SRGAP3: variants seen among roughly 807,000 people sequenced by gnomAD.
The protein encoded by SRGAP3 is SLIT-ROBO Rho GTPase-activating protein 3.
Under a neutral mutation model 121.1 loss-of-function variants are expected in SRGAP3, and 39 were observed. The ratio of observed to expected loss-of-function variants is 0.32; its 90% CI spans 0.25 to 0.42. The LOEUF is 0.42. Ranked by LOEUF, SRGAP3 falls within the 10% of genes least tolerant of loss-of-function variation. The pLI is 1.00. For synonymous variants in SRGAP3, 601 were observed against 570.0 expected, an observed-to-expected ratio of 1.05 and a Z score of -0.77; for missense variants, 1,213 against 1,470.6, an observed-to-expected ratio of 0.82 and a Z score of 2.86.
intron 3 of SRGAP3, among the ~76,000 whole-genome samples, chr3:9,260,096 G>A (rs537841262): frequency 3.9e-5 from 6 of 152,212 alleles, no homozygotes; most frequent in South Asian, 2.1e-4. Flanking sequence ...GAACTGTGCC[G>A]TGAGGGACAG....
chr3:9,183,575 C>T (rs761691041), intron 1 of SRGAP3, among the ~76,000 whole-genome samples: 5 of 152,100 alleles, frequency 3.3e-5, no homozygotes, highest in Non-Finnish European at 7.4e-5. Context: ...ACAGTGCTTA[C>T]TTGGGGCAGA....
rs1575113636 is a variant in SRGAP3 at position 9,126,932 on chromosome 3, A to T, written c.68-2015T>A. Among the ~76,000 whole-genome samples the T allele has an allele frequency of 2.0e-5, 3 of 152,362 alleles. No individual in the cohort carries two copies. In the South Asian group the frequency reaches 6.2e-4, roughly 32 times the overall value. On this transcript the variant is annotated intron_variant, in intron 1 of 21. Transcript: ENST00000383836. Reference sequence around the variant, plus strand: ...TACTCCATAAATTTATACGTAAATAAATACATGTACAAAGTTATATTCTCT... The same window carrying T: ...TACTCCATAAATTTATACGTAAATATATACATGTACAAAGTTATATTCTCT...
In SRGAP3 at chr3:8,985,303, T is replaced by C; in HGVS notation, c.*216A>G. The C allele has an allele frequency of 9.5e-7, 1 of 1,052,588 alleles. No individual in the cohort carries two copies. Among genetic ancestry groups the C allele is most frequent in the Non-Finnish European group, 1.3e-6 (1 of 764,814 alleles). The allele number at this position is 1,052,588 out of a possible 1,614,324, so 65.2% of individuals were successfully genotyped here. ...GGCTGCTGGAGCTCCAGCACTCCTC[T>C]GGTCGTCTGTTGACACGCGAGAGGT... is the stretch of plus-strand genomic sequence containing the variant. On this transcript the variant is annotated 3_prime_UTR_variant, in exon 22 of 22. Coordinates refer to ENST00000383836, the MANE Select transcript of SRGAP3 (RefSeq NM_014850.4). The surrounding 1 kb of genome is among the most constrained non-coding windows in gnomAD (Gnocchi z 5.1).
intron 3 of SRGAP3, among the ~76,000 whole-genome samples, chr3:9,095,185 T>C (rs370194): frequency 0.26 from 38,989 of 151,828 alleles, 5,093 homozygotes; most frequent in Middle Eastern, 0.3. Context: ...ATTCTGGGTG[T>C]TAACCTTTTA....
chr3:9,205,672 T>TG (rs1388478401), intron 1 of SRGAP3, among the ~76,000 whole-genome samples: 17 of 152,190 alleles, frequency 1.1e-4, no homozygotes, highest in Admixed American at 9.8e-4. Flanking sequence ...GTAAGTCCAG[T>TG]GCTTACAGAA....
chr3:9,340,995 G>A lies in SRGAP3; in HGVS notation n.215-10399C>T, dbSNP rs1401625382. Among the ~76,000 whole-genome samples, 3 of 152,180 alleles carry A rather than the reference G, an allele frequency of 2.0e-5. No homozygotes were observed. In the South Asian group the frequency reaches 6.2e-4, roughly 31 times the overall value. ...CCAAGATCAAGGAGCCAGTATGGCTGGGTTTTGGTGAGGGCCTTCTTCCTG... is the reference window on the plus strand; with the variant it reads ...CCAAGATCAAGGAGCCAGTATGGCTAGGTTTTGGTGAGGGCCTTCTTCCTG... On this transcript the variant is annotated intron_variant and non_coding_transcript_variant, in intron 1 of 3. Transcript: ENST00000490889.
At chr3:9,037,286 T>C (rs1267890899) in intron 11 of SRGAP3, 3 of 152,090 alleles carry the variant, frequency 2.0e-5, no homozygotes, top group African/African-American at 4.8e-5. Flanking sequence ...CAGTGCAATA[T>C]CTCTTAATAG....
chr3:9,214,986 G>GAGGATAA (rs144309314), intron 1 of SRGAP3, among the ~76,000 whole-genome samples: 35,628 of 151,976 alleles, frequency 0.23, 5,272 homozygotes, highest in Admixed American at 0.39. Context: ...GTATTCCTGG[G>GAGGATAA]AGGATAAAGT....
At chr3:9,014,025 G>C in intron 15 of SRGAP3, 183 bp from the exon 16 acceptor site, 3 of 665,388 alleles carry the variant, frequency 4.5e-6, no homozygotes, top group Non-Finnish European at 8.2e-6. Flanking sequence ...TAGCTACAGG[G>C]AGGGGCTGGA....
chr3:9,012,607 C>A (rs1290060204), intron 17 of SRGAP3, among the ~76,000 whole-genome samples: 1 of 152,148 alleles, frequency 6.6e-6, no homozygotes, highest in Non-Finnish European at 1.5e-5. Context: ...AGAAACTGAG[C>A]TCACTTTGTC....
At chr3:9,106,611 G>A (rs942509255) in intron 2 of SRGAP3, among the ~76,000 whole-genome samples, 11 of 152,104 alleles carry the variant, frequency 7.2e-5, no homozygotes, top group East Asian at 1.9e-4. Flanking sequence ...TGCTATTCTC[G>A]TGATAGTGAA....
At chr3:9,332,843 G>A (rs1955632687) in intron 1 of SRGAP3, among the ~76,000 whole-genome samples, 1 of 152,094 alleles carries the variant, frequency 6.6e-6, no homozygotes, top group African/African-American at 2.4e-5. Flanking sequence ...CGTGAGCAAC[G>A]GAACTTGCTG....
intron 1 of SRGAP3, among the ~76,000 whole-genome samples, chr3:9,210,909 G>A (rs534543866): frequency 1.2e-4 from 18 of 152,170 alleles, no homozygotes; most frequent in African/African-American, 4.3e-4. Flanking sequence ...AAGCAAAATA[G>A]TATAAATAAT....
Position 9,013,480 on chromosome 3 carries a change from A to C in SRGAP3, c.1975T>G (p.Phe659Val). 1 of 1,614,124 alleles carries C rather than the reference A, an allele frequency of 6.2e-7. No homozygotes were observed. The change falls in exon 17 of 22, where the codon TTC (phenylalanine) becomes GTC (valine). Residue 659 changes from phenylalanine to valine, a missense_variant. Coordinates refer to ENST00000383836, the MANE Select transcript of SRGAP3 (RefSeq NM_014850.4). ...MMDPYNLAIC[F>V]GPTLMHIPDG... ...GGGATGTGCATGAGGGTAGGCCCGA[A>C]GCAGATGGCCAGGTTGTAGGGATCC...
intron 18 of SRGAP3, among the ~76,000 whole-genome samples, chr3:8,999,754 T>A (rs1942635911): frequency 6.6e-6 from 1 of 152,226 alleles, no homozygotes. Context: ...GTTCTTTCTT[T>A]GCATTCGGTG....
chr3:9,224,302 G>A (rs906968871), intron 1 of SRGAP3, among the ~76,000 whole-genome samples: 6 of 152,206 alleles, frequency 3.9e-5, no homozygotes, highest in East Asian at 3.8e-4. Context: ...CATGACATTC[G>A]TGTTGAAATG....
intron 11 of SRGAP3, 135 bp from the exon 12 acceptor site, chr3:9,032,887 T>C (rs2125093425): frequency 2.5e-6 from 2 of 790,822 alleles, no homozygotes; most frequent in African/African-American, 1.7e-5. Context: ...CGCCAAGACA[T>C]TGGTTTCCAA....
At chr3:9,002,207 T>G (rs990725837) in intron 18 of SRGAP3, among the ~76,000 whole-genome samples, 13 of 152,146 alleles carry the variant, frequency 8.5e-5, no homozygotes. Flanking sequence ...TAATACAAAA[T>G]GTGTTCTTCT....
chr3:9,101,689 T>G (rs1266819710), intron 3 of SRGAP3, among the ~76,000 whole-genome samples: 1 of 152,224 alleles, frequency 6.6e-6, no homozygotes, highest in African/African-American at 2.4e-5. Flanking sequence ...TTTGTTCCTC[T>G]GAAGCCCCGC....
Sources: gnomAD v4.1 joint callset for allele counts (sites outside exome capture counted in the v4.1 genomes callset) on GRCh38, gnomAD v4.1.1 for gene constraint, Gnocchi (gnomAD v3.1) non-coding constraint, MANE v1.5 for transcripts, NCBI Gene and HGNC (gene_info 2026-07-23, HGNC 2026-07-21) for gene names.